The following DGKI variants were observed in gnomAD, a reference collection of about 807,000 sequenced individuals.
The protein encoded by DGKI is DAG kinase iota.
DGKI carries 55 observed loss-of-function variants against 147.5 expected under a neutral mutation model. The ratio of observed to expected loss-of-function variants is 0.37; its 90% CI spans 0.30 to 0.47. The LOEUF (loss-of-function observed/expected upper bound fraction) is 0.47. Among genes scored for constraint, DGKI ranks in the 20% least tolerant of loss-of-function variants. The pLI, the probability that DGKI is intolerant of heterozygous loss-of-function variation, is 1.00. For missense variants in DGKI, 1,007 were observed against 1,323.8 expected (o/e 0.76, Z 3.71); for synonymous variants, 469 against 477.1 (o/e 0.98, Z 0.22).
intron 3 of DGKI, among the ~76,000 whole-genome samples, chr7:137,671,351 C>T (rs1029277548): frequency 3.3e-5 from 5 of 152,124 alleles, no homozygotes; most frequent in African/African-American, 4.8e-5. Context: ...CTCAGTTGTC[C>T]GCAGTCATGA....
chr7:137,832,697 T>C (rs985282763), intron 1 of DGKI, among the ~76,000 whole-genome samples: 1 of 152,254 alleles, frequency 6.6e-6, no homozygotes, highest in Non-Finnish European at 1.5e-5. Flanking sequence ...AACATTCAGC[T>C]GTTCATTACT....
At chr7:137,678,123 G>T (rs1481850693) in intron 3 of DGKI, among the ~76,000 whole-genome samples, 1 of 152,106 alleles carries the variant, frequency 6.6e-6, no homozygotes, top group African/African-American at 2.4e-5. Flanking sequence ...CCCAGCACAG[G>T]TGTTTCCCTC....
chr7:137,788,653 C>A (rs1796750355), intron 1 of DGKI, among the ~76,000 whole-genome samples: 1 of 62,924 alleles, frequency 1.6e-5, no homozygotes, highest in African/African-American at 8.8e-5. Flanking sequence ...CACACACACA[C>A]ACACACACAC....
At chr7:137,791,139 T>A (rs1285457993) in intron 1 of DGKI, among the ~76,000 whole-genome samples, 1 of 152,170 alleles carries the variant, frequency 6.6e-6, no homozygotes, top group Non-Finnish European at 1.5e-5. Context: ...TCTCTATCCC[T>A]CTTGATTTCT....
chr7:137,786,483 G>A (rs1796671532), intron 1 of DGKI, among the ~76,000 whole-genome samples: 1 of 151,978 alleles, frequency 6.6e-6, no homozygotes, highest in Admixed American at 6.6e-5. Flanking sequence ...CACAGCAAAT[G>A]GAAACACATC....
intron 1 of DGKI, among the ~76,000 whole-genome samples, chr7:137,693,360 C>T (rs181321402): frequency 5.3e-5 from 8 of 152,226 alleles, no homozygotes; most frequent in East Asian, 1.9e-4. Flanking sequence ...TTCACAACAA[C>T]GCTTCATAGG....
chr7:137,664,555 A>T (rs2116314597), intron 3 of DGKI, among the ~76,000 whole-genome samples: 1 of 152,340 alleles, frequency 6.6e-6, no homozygotes, highest in African/African-American at 2.4e-5. Flanking sequence ...ATTTTGCAGA[A>T]GACTGAGGTC....
At chr7:137,623,405 G>A in intron 7 of DGKI, 78 bp downstream of exon 7, 1 of 1,374,518 alleles carries the variant, frequency 7.3e-7, no homozygotes, top group Non-Finnish European at 1.0e-6. Context: ...TCTACTTCCA[G>A]GGAGAAACTC....
intron 3 of DGKI, among the ~76,000 whole-genome samples, chr7:137,657,656 A>C (rs1212608241): frequency 6.6e-6 from 1 of 152,184 alleles, no homozygotes; most frequent in Non-Finnish European, 1.5e-5. Context: ...CAAAGCATCC[A>C]AGTGTGAAAG....
intron 1 of DGKI, among the ~76,000 whole-genome samples, chr7:137,831,671 A>G (rs1798224943): frequency 6.6e-6 from 1 of 152,192 alleles, no homozygotes; most frequent in Admixed American, 6.5e-5. Flanking sequence ...ATATCATTCC[A>G]CCACTGGCCC....
intron 1 of DGKI, among the ~76,000 whole-genome samples, chr7:137,733,059 T>G (rs560651407): frequency 6.6e-6 from 1 of 152,126 alleles, no homozygotes; most frequent in Admixed American, 6.5e-5. Flanking sequence ...TCCACAACCT[T>G]TGAAATTTTT....
chr7:137,617,964 A>G (rs1469065012), intron 8 of DGKI, among the ~76,000 whole-genome samples: 3 of 150,400 alleles, frequency 2.0e-5, no homozygotes, highest in Non-Finnish European at 4.4e-5. Context: ...GAAAATTTCC[A>G]TAACAAAAAG....
At chr7:137,682,052 C>T (rs270895) in intron 2 of DGKI, among the ~76,000 whole-genome samples, 62,679 of 151,998 alleles carry the variant, frequency 0.41, 13,945 homozygotes, top group African/African-American at 0.59. Flanking sequence ...CATGATTCTA[C>T]GTGGAAAGGA....
rs543026201 is a variant in DGKI, at chr7:137,727,376, C to T, written c.402-37374G>A. Reference sequence around the variant, plus strand: ...CATCAAAAAGAAAAAGATTTTTGAGCAAAGCCACTCAATTAGGCAATACTC... The same window carrying T: ...CATCAAAAAGAAAAAGATTTTTGAGTAAAGCCACTCAATTAGGCAATACTC... On this transcript the variant is annotated intron_variant, in intron 1 of 32. Coordinates refer to ENST00000614521, the MANE Select transcript of DGKI (RefSeq NM_001321708.2). Among the ~76,000 whole-genome samples, 5 of 152,220 alleles carry T rather than the reference C, an allele frequency of 3.3e-5. No individual in the cohort carries two copies. In the South Asian group the frequency reaches 1.0e-3, roughly 32 times the overall value.
At chr7:137,597,321 T>G (rs185229361) in intron 12 of DGKI, among the ~76,000 whole-genome samples, 36 of 152,262 alleles carry the variant, frequency 2.4e-4, no homozygotes, top group Non-Finnish European at 4.1e-4. Context: ...ATACATTCTA[T>G]GCATATAACA....
chr7:137,591,870 G>T (rs1386396135), intron 12 of DGKI, among the ~76,000 whole-genome samples: 1 of 152,054 alleles, frequency 6.6e-6, no homozygotes. Flanking sequence ...ACTTAAAGTT[G>T]AGCCCTGAGT....
At chr7:137,515,437 T>G (rs1390413318) in intron 21 of DGKI, among the ~76,000 whole-genome samples, 4 of 152,216 alleles carry the variant, frequency 2.6e-5, no homozygotes, top group Non-Finnish European at 5.9e-5. Flanking sequence ...TATGAATGGC[T>G]GATTTGAGGT....
At chr7:137,578,472 G>T in intron 15 of DGKI, 147 bp from the exon 16 acceptor site, 1 of 645,134 alleles carries the variant, frequency 1.6e-6, no homozygotes, top group East Asian at 2.7e-5. Context: ...CCCAGTTCCA[G>T]GCCAGTTAGT....
rs6961197 is a variant in DGKI, at chr7:137,841,219, G to A, written c.401+5243C>T. Among the ~76,000 whole-genome samples, 1,215 of 152,290 alleles carry A rather than the reference G, an allele frequency of 8.0e-3. 8 individuals carry two copies. The highest frequency in any genetic ancestry group is 0.027 in the African/African-American group (1,124 of 41,552). On this transcript the variant is annotated intron_variant, in intron 1 of 32. Coordinates refer to ENST00000614521, the MANE Select transcript of DGKI (RefSeq NM_001321708.2). ...GGACGCTTTTGAGCTCATACCAATCGAGGAGTTTTCCTGGTGAACAAGCCA... is the reference window on the plus strand; with the variant it reads ...GGACGCTTTTGAGCTCATACCAATCAAGGAGTTTTCCTGGTGAACAAGCCA...
Sources: gnomAD v4.1 joint callset for allele counts (sites outside exome capture counted in the v4.1 genomes callset) on GRCh38, gnomAD v4.1.1 for gene constraint, MANE v1.5 for transcripts, NCBI Gene and HGNC (gene_info 2026-07-23, HGNC 2026-07-21) for gene names.